Variants in SYN3 observed in about 807,000 individuals in gnomAD.
SYN3 encodes the protein synapsin-3.
A neutral mutation model predicts 65.8 loss-of-function variants in SYN3; 35 were observed. The observed-to-expected ratio is 0.53, with a 90% confidence interval of 0.41 to 0.70. SYN3 has a LOEUF of 0.70. SYN3 is among the 30% of genes least tolerant of loss of function. The pLI, the probability that SYN3 is intolerant of heterozygous loss-of-function variation, is 0.00. For missense variants in SYN3, 680 were observed against 749.0 expected (o/e 0.91, Z 1.08); for synonymous variants, 270 against 292.9 (o/e 0.92, Z 0.80).
rs373359772 is a variant in SYN3, at chr22:32,566,357, G to A, written c.775-24644C>T. On this transcript the variant is annotated intron_variant, in intron 7 of 13. Transcript: ENST00000358763. ...GCTACCAAACTGGACAGTGCAAGAT[G>A]GAGGGATCTGTGGACAGTGAGAAAG... Among the ~76,000 whole-genome samples, 52 of 152,260 alleles carry A rather than the reference G, an allele frequency of 3.4e-4. No homozygotes were observed. In the South Asian group the frequency reaches 1.0e-2, roughly 29 times the overall value.
At chr22:32,861,181 A>C (rs1440608573) in intron 6 of SYN3, 1 of 152,232 alleles carries the variant, frequency 6.6e-6, no homozygotes, top group Non-Finnish European at 1.5e-5. Flanking sequence ...AAGAAGAAAA[A>C]AAAAAAAAGC....
chr22:33,052,693 T>C (rs1000057698), intron 1 of SYN3, among the ~76,000 whole-genome samples: 3 of 152,130 alleles, frequency 2.0e-5, no homozygotes, highest in African/African-American at 4.8e-5. Flanking sequence ...ACAATACACT[T>C]AACCAATGGA....
At chr22:33,026,284 T>C (rs761847134) in intron 1 of SYN3, among the ~76,000 whole-genome samples, 1 of 152,166 alleles carries the variant, frequency 6.6e-6, no homozygotes, top group Non-Finnish European at 1.5e-5. Flanking sequence ...GGCCCTTAGT[T>C]AATAACAGAA....
intron 6 of SYN3, among the ~76,000 whole-genome samples, chr22:32,632,606 G>A (rs1459501167): frequency 6.6e-6 from 1 of 152,182 alleles, no homozygotes; most frequent in Non-Finnish European, 1.5e-5. Context: ...TGATGACTGA[G>A]AATCTGCAGC....
chr22:32,693,265 C>T (rs943168631), intron 6 of SYN3, among the ~76,000 whole-genome samples: 3 of 152,214 alleles, frequency 2.0e-5, no homozygotes, highest in Non-Finnish European at 2.9e-5. Context: ...CGTGACACCA[C>T]CACTGTCGAT....
intron 4 of SYN3, among the ~76,000 whole-genome samples, chr22:32,889,068 C>T (rs2049371336): frequency 6.6e-6 from 1 of 152,236 alleles, no homozygotes; most frequent in South Asian, 2.1e-4. Context: ...CCAAACACCT[C>T]TATTTAAAGC....
At chr22:32,540,402 G>A (rs987349802) in intron 8 of SYN3, among the ~76,000 whole-genome samples, 1 of 152,186 alleles carries the variant, frequency 6.6e-6, no homozygotes, top group Non-Finnish European at 1.5e-5. Context: ...GCTGTCCAGG[G>A]CTAACCCTTG....
At chr22:32,832,291 AC>A (rs34693602) in intron 6 of SYN3, among the ~76,000 whole-genome samples, 9,554 of 152,298 alleles carry the variant, frequency 0.063, 333 homozygotes, top group Middle Eastern at 0.12. Flanking sequence ...AGAAAGTGGA[AC>A]CCAGGGGAAA....
In SYN3 at chr22:32,512,802, C is replaced by T. The variant is rs2057706722; in HGVS notation, c.*890G>A. 2.0e-5 allele frequency: 3 copies of T among 152,146 alleles called. No homozygotes were observed. The South Asian group carries it at 6.2e-4, about 32-fold the overall frequency. 9.4% of individuals were successfully genotyped at this position (152,146 alleles called of 1,614,324 possible). On this transcript the variant is annotated 3_prime_UTR_variant, in exon 14 of 14. Transcript: ENST00000358763. ...TGATCTGTTGATTCTCTCTGGTTCCCAACAGATCCATAAAAAGGAAACGGC... is the reference window on the plus strand; with the variant it reads ...TGATCTGTTGATTCTCTCTGGTTCCTAACAGATCCATAAAAAGGAAACGGC...
chr22:32,935,306 T>A (rs141330316), intron 3 of SYN3, among the ~76,000 whole-genome samples: 55 of 145,084 alleles, frequency 3.8e-4, no homozygotes, highest in Non-Finnish European at 5.4e-4. Context: ...TCTCTCTCTC[T>A]CTCACACACA....
intron 6 of SYN3, among the ~76,000 whole-genome samples, chr22:32,759,310 T>G (rs956049756): frequency 2.0e-5 from 3 of 152,132 alleles, no homozygotes; most frequent in Non-Finnish European, 4.4e-5. Flanking sequence ...AATTCCCTCT[T>G]GGTAAATGGA....
intron 4 of SYN3, among the ~76,000 whole-genome samples, chr22:32,917,735 G>A (rs943496343): frequency 2.0e-5 from 3 of 152,222 alleles, no homozygotes; most frequent in Non-Finnish European, 2.9e-5. Flanking sequence ...TTTCTCTGTC[G>A]GACCCGAGCT....
chr22:32,825,141 T>G (rs2047364844), intron 6 of SYN3, among the ~76,000 whole-genome samples: 1 of 151,352 alleles, frequency 6.6e-6, no homozygotes, highest in African/African-American at 2.4e-5. Context: ...GGGCAGTGGG[T>G]GGGAGGACTT....
intron 6 of SYN3, among the ~76,000 whole-genome samples, chr22:32,812,784 C>G (rs1209288390): frequency 6.6e-6 from 1 of 152,302 alleles, no homozygotes; most frequent in South Asian, 2.1e-4. Context: ...TTAGATCAAA[C>G]GTGTGCCCCA....
At position 32,738,029 on chromosome 22, in the gene SYN3, G is replaced by A. The variant is rs571615075; in HGVS notation, c.711+126886C>T. On this transcript the variant is annotated intron_variant, in intron 6 of 13. Transcript: ENST00000358763. ...CTGAGATTCCCAGGGTTTTTCTGTT[G>A]TAGCAACTAATTATCAATTATCCTG... Among the ~76,000 whole-genome samples the A allele has an allele frequency of 2.2e-4, 34 of 152,260 alleles. 1 individual carries two copies. In the Middle Eastern group the frequency reaches 0.014, roughly 61 times the overall value.
At chr22:33,036,260 C>A (rs893954528) in intron 1 of SYN3, among the ~76,000 whole-genome samples, 1 of 152,174 alleles carries the variant, frequency 6.6e-6, no homozygotes, top group African/African-American at 2.4e-5. Context: ...CCTTCATAAA[C>A]CTCGATGATT....
intron 6 of SYN3, among the ~76,000 whole-genome samples, chr22:32,612,798 C>T (rs1227155259): frequency 2.0e-5 from 3 of 152,072 alleles, no homozygotes; most frequent in Non-Finnish European, 2.9e-5. Flanking sequence ...GCAGCTGCAC[C>T]ACTGAACTCC....
At chr22:32,963,181 A>G (rs1312006283) in intron 3 of SYN3, among the ~76,000 whole-genome samples, 1 of 149,128 alleles carries the variant, frequency 6.7e-6, no homozygotes, top group Non-Finnish European at 1.5e-5. Context: ...GGTTCAAGCC[A>G]TTCTCGTGCC....
chr22:32,554,058 T>C (rs1209500006), intron 7 of SYN3, among the ~76,000 whole-genome samples: 1 of 152,172 alleles, frequency 6.6e-6, no homozygotes, highest in African/African-American at 2.4e-5. Flanking sequence ...CCAGGCCAAA[T>C]GTCAGGCTTA....
Sources: allele counts gnomAD v4.1 joint callset (sites outside exome capture counted in the v4.1 genomes callset), GRCh38; gene constraint gnomAD v4.1.1; transcripts MANE v1.5; gene names NCBI Gene and HGNC (gene_info 2026-07-23, HGNC 2026-07-21).